Variants in GALNT13 observed in about 807,000 individuals in gnomAD.
The protein encoded by GALNT13 is UDP-GalNAc:polypeptide N-acetylgalactosaminyltransferase 13.
Under a neutral mutation model 64.2 loss-of-function variants are expected in GALNT13, and 28 were observed. The observed-to-expected ratio is 0.44, with a 90% CI of 0.32 to 0.60. GALNT13 has a LOEUF of 0.60. Ranked by LOEUF, GALNT13 falls within the 20% of genes least tolerant of loss-of-function variation. The probability of loss-of-function intolerance (pLI) is 0.05; values close to 1 mark genes in which losing one functional copy is unlikely to be tolerated. For missense variants in GALNT13, 577 were observed against 669.8 expected (o/e 0.86, Z 1.53); for synonymous variants, 214 against 224.6 (o/e 0.95, Z 0.42).
chr2:154,095,493 C>A (rs778557323), intron 3 of GALNT13, among the ~76,000 whole-genome samples: 1 of 151,848 alleles, frequency 6.6e-6, no homozygotes, highest in Non-Finnish European at 1.5e-5. Context: ...GTCAAGAACC[C>A]CTATTTTAAA....
chr2:154,455,928 C>A (rs1341253350), downstream of GALNT13, among the ~76,000 whole-genome samples: 1 of 151,982 alleles, frequency 6.6e-6, no homozygotes, highest in Non-Finnish European at 1.5e-5. Context: ...CTAGGGAGAA[C>A]AAATCACTCA....
At chr2:154,143,505 TAA>T (rs1028708001) in intron 4 of GALNT13, among the ~76,000 whole-genome samples, 2 of 151,310 alleles carry the variant, frequency 1.3e-5, no homozygotes, top group African/African-American at 4.9e-5. Flanking sequence ...AAAAAAAAAA[TAA>T]GTCTTCACTG....
chr2:153,257,666 G>A, the GALNT13 span, among the ~76,000 whole-genome samples: 1 of 152,086 alleles, frequency 6.6e-6, no homozygotes, highest in South Asian at 2.1e-4. Flanking sequence ...TTTAACAATT[G>A]AGTAAAGTAT....
chr2:153,364,610 A>G, the GALNT13 span, among the ~76,000 whole-genome samples: 1 of 152,204 alleles, frequency 6.6e-6, no homozygotes, highest in Non-Finnish European at 1.5e-5. Context: ...CAGAGAGCCA[A>G]ATCATGAATG....
At chr2:153,380,337 G>A in the GALNT13 span, among the ~76,000 whole-genome samples, 6 of 152,110 alleles carry the variant, frequency 3.9e-5, no homozygotes, top group African/African-American at 1.2e-4. Flanking sequence ...GGCTGGGCAT[G>A]GTGATGCATG....
chr2:153,631,135 T>C, the GALNT13 span, among the ~76,000 whole-genome samples: 1 of 152,076 alleles, frequency 6.6e-6, no homozygotes, highest in Non-Finnish European at 1.5e-5. Context: ...ACAAAGGACA[T>C]GAACTCATCA....
At chr2:153,193,143 T>C in the GALNT13 span, among the ~76,000 whole-genome samples, 2 of 152,002 alleles carry the variant, frequency 1.3e-5, no homozygotes, top group African/African-American at 2.4e-5. Context: ...TAAAGACACA[T>C]GCACACGTAT....
At chr2:154,202,060 C>T (rs1466855892) in intron 4 of GALNT13, among the ~76,000 whole-genome samples, 1 of 152,058 alleles carries the variant, frequency 6.6e-6, no homozygotes, top group African/African-American at 2.4e-5. Context: ...TAATTCAATC[C>T]AAAATACTTT....
Position 154,041,774 on chromosome 2 carries a change from G to T in GALNT13, c.142+97135G>T, listed in dbSNP as rs778136199. 4.3e-5 allele frequency among the ~76,000 whole-genome samples: 6 copies of T among 140,266 alleles called. 1 individual carries two copies. The highest frequency in any genetic ancestry group is 9.8e-5 in the Non-Finnish European group (6 of 61,100). 92.0% of individuals were successfully genotyped at this position (140,266 alleles called of 152,430 possible). A position where few individuals can be genotyped will look rare whatever the true frequency, so the allele number is the denominator to read the frequency against. Reference sequence around the variant, plus strand: ...TAATGTCTTTCAAAATTACCATGATGTTGAAGACAATGTTTATAGTGATCT... The same window carrying T: ...TAATGTCTTTCAAAATTACCATGATTTTGAAGACAATGTTTATAGTGATCT... On this transcript the variant is annotated intron_variant, in intron 3 of 12. Transcript: ENST00000392825.
At chr2:154,104,896 T>G (rs756722529) in intron 3 of GALNT13, among the ~76,000 whole-genome samples, 35 of 152,154 alleles carry the variant, frequency 2.3e-4, no homozygotes, top group Non-Finnish European at 8.8e-5. Flanking sequence ...AGTTCAGGCT[T>G]GTGCAGAGTA....
the GALNT13 span, among the ~76,000 whole-genome samples, chr2:153,713,382 C>T: frequency 2.0e-5 from 3 of 152,134 alleles, no homozygotes; most frequent in Non-Finnish European, 2.9e-5. Flanking sequence ...ATCCTGATTC[C>T]AGGGTTTCCT....
At chr2:154,049,610 A>G (rs1172346221) in intron 3 of GALNT13, among the ~76,000 whole-genome samples, 2 of 150,934 alleles carry the variant, frequency 1.3e-5, no homozygotes, top group Non-Finnish European at 3.0e-5. Flanking sequence ...ACATATAATA[A>G]ATGATATCTA....
chr2:153,438,769 G>T, the GALNT13 span, among the ~76,000 whole-genome samples: 4 of 151,936 alleles, frequency 2.6e-5, no homozygotes, highest in African/African-American at 7.3e-5. Context: ...CATTGGTTCA[G>T]ACTTCCTCCT....
the GALNT13 span, among the ~76,000 whole-genome samples, chr2:153,688,886 A>C: frequency 6.6e-6 from 1 of 151,810 alleles, no homozygotes; most frequent in Admixed American, 6.6e-5. Flanking sequence ...TGTTATCAAT[A>C]TTATTGTTGT....
the GALNT13 span, chr2:153,354,245 C>T: frequency 1.3e-5 from 2 of 152,184 alleles, no homozygotes; most frequent in African/African-American, 4.8e-5. Flanking sequence ...ACTATCATTC[C>T]TGAAGTGCCA....
the GALNT13 span, among the ~76,000 whole-genome samples, chr2:153,092,286 G>A: frequency 1.6e-3 from 248 of 152,112 alleles, 2 homozygotes; most frequent in African/African-American, 4.9e-3. Context: ...GATTTCCTCC[G>A]TTTTGTTCCT....
At chr2:154,234,964 A>C (rs1689116542) in intron 4 of GALNT13, among the ~76,000 whole-genome samples, 1 of 152,178 alleles carries the variant, frequency 6.6e-6, no homozygotes, top group African/African-American at 2.4e-5. Context: ...AGGCCAGGGA[A>C]GGGGGCCGTA....
chr2:153,816,685 C>A, the GALNT13 span, among the ~76,000 whole-genome samples: 1 of 152,100 alleles, frequency 6.6e-6, no homozygotes, highest in Non-Finnish European at 1.5e-5. Context: ...CATCAGATTA[C>A]TTAGAAGGCT....
At chr2:153,194,461 C>T in the GALNT13 span, among the ~76,000 whole-genome samples, 1 of 151,966 alleles carries the variant, frequency 6.6e-6, no homozygotes, top group Non-Finnish European at 1.5e-5. Flanking sequence ...TTTATGATAT[C>T]TTTCTCTTTT....
Sources: allele counts gnomAD v4.1 joint callset (sites outside exome capture counted in the v4.1 genomes callset), GRCh38; gene constraint gnomAD v4.1.1; transcripts MANE v1.5; gene names NCBI Gene and HGNC (gene_info 2026-07-23, HGNC 2026-07-21).